NMD3: variants seen among roughly 807,000 people sequenced by gnomAD.
The protein encoded by NMD3 is NMD3 ribosome export adaptor.
In NMD3, 47 loss-of-function variants were observed where a neutral mutation model predicts 73.1. The observed-to-expected ratio is 0.64, with a 90% CI of 0.51 to 0.82. The LOEUF is 0.82. NMD3 is among the 40% of genes least tolerant of loss of function. NMD3 has a pLI of 0.00. For synonymous variants in NMD3, 210 were observed against 194.5 expected (o/e 1.08, Z -0.66); for missense variants, 554 against 612.5 (o/e 0.90, Z 1.01).
intron 7 of NMD3, among the ~76,000 whole-genome samples, chr3:161,235,811 A>G (rs1407434975): frequency 1.3e-5 from 2 of 152,100 alleles, no homozygotes; most frequent in East Asian, 1.9e-4. Flanking sequence ...GATTCTTGGT[A>G]TAAAATTGAA....
chr3:161,246,261 G>C, intron 11 of NMD3, 75 bp from the exon 12 acceptor site: 1 of 555,740 alleles, frequency 1.8e-6, no homozygotes. Context: ...AATCAATATT[G>C]TATTTAACTT....
intron 10 of NMD3, among the ~76,000 whole-genome samples, chr3:161,242,179 CAG>C (rs1737008593): frequency 6.6e-6 from 1 of 152,008 alleles, no homozygotes. Flanking sequence ...GCTAAGGTGA[CAG>C]ATACGTTTCT....
At chr3:161,252,319 G>A (rs1237685904), downstream of NMD3, 1 of 152,108 alleles carries the variant, frequency 6.6e-6, no homozygotes, top group African/African-American at 2.4e-5. Flanking sequence ...GGTCGCATTG[G>A]TGTCATATTT....
At chr3:161,232,409 A>C (rs1043280297) in intron 4 of NMD3, among the ~76,000 whole-genome samples, 2 of 152,090 alleles carry the variant, frequency 1.3e-5, no homozygotes, top group Non-Finnish European at 2.9e-5. Flanking sequence ...TTTTTTATAG[A>C]TCTCCAGACC....
intron 12 of NMD3, among the ~76,000 whole-genome samples, chr3:161,246,940 T>TTG (rs1553793857): frequency 9.9e-5 from 15 of 152,074 alleles, no homozygotes; most frequent in Admixed American, 5.2e-4. Context: ...GGTGTTTTTT[T>TTG]TTTGTTTGTT....
In NMD3 at chr3:161,252,086, A is replaced by G. The variant is rs1737509727; in HGVS notation, c.*1176A>G. 1 of 152,104 alleles carries G rather than the reference A, an allele frequency of 6.6e-6. No individual in the cohort carries two copies. The highest frequency in any genetic ancestry group is 1.5e-5 in the Non-Finnish European group (1 of 68,014). The allele number at this position is 152,104 out of a possible 1,614,324, so 9.4% of individuals were successfully genotyped here. On this transcript the variant is annotated 3_prime_UTR_variant, in exon 16 of 16. Transcript: ENST00000351193. ...TTATGGATAAAGTCCTAAATTTTCT[A>G]TAGTGGCTTCTTTTCTGTCTGCATA...
intron 8 of NMD3, 113 bp from the exon 9 acceptor site, chr3:161,238,617 G>C (rs1259523845): frequency 1.6e-6 from 1 of 643,122 alleles, no homozygotes; most frequent in Non-Finnish European, 2.8e-6. Flanking sequence ...GCATCATGAA[G>C]CCATTTTAGA....
At chr3:161,240,534 T>TTTTTTTTTG (rs1351408038) in intron 9 of NMD3, among the ~76,000 whole-genome samples, 5 of 145,042 alleles carry the variant, frequency 3.4e-5, no homozygotes, top group African/African-American at 1.3e-4. Flanking sequence ...GGATTTTTTT[T>TTTTTTTTTG]TTTTTTTTGA....
chr3:161,227,260 C>T lies in NMD3; in HGVS notation c.193C>T (p.Pro65Ser), dbSNP rs888975292. 3 of 1,592,026 alleles carry T rather than the reference C, an allele frequency of 1.9e-6. No individual in the cohort carries two copies. The highest frequency in any genetic ancestry group is 2.6e-6 in the Non-Finnish European group (3 of 1,167,560). ...CTTCTCTTTTAGGTATTTTCAACCA[C>T]CAGGAACTTGGATACAGTGTGCTTT... is the stretch of plus-strand genomic sequence containing the variant. ...CKQCQRYFQP[P>S]GTWIQCALES... The change falls in exon 4 of 16, where the codon CCA becomes TCA. Residue 65 changes from proline to serine, a missense_variant. Transcript: ENST00000351193.
At chr3:161,228,297 C>T (rs945762958) in intron 4 of NMD3, among the ~76,000 whole-genome samples, 8 of 152,160 alleles carry the variant, frequency 5.3e-5, no homozygotes, top group African/African-American at 1.9e-4. Context: ...CCCAGCCAAC[C>T]CCACAAATTT....
chr3:161,240,767 C>G (rs1400436183), intron 9 of NMD3, among the ~76,000 whole-genome samples: 1 of 151,608 alleles, frequency 6.6e-6, no homozygotes, highest in Non-Finnish European at 1.5e-5. Flanking sequence ...CTCCTGGGCT[C>G]AAGGGATTCT....
rs767943491 is a variant in NMD3, at chr3:161,247,304, A to G, written c.1177A>G (p.Met393Val). 2.5e-6 allele frequency: 4 copies of G among 1,611,210 alleles called. No homozygotes were observed. The highest frequency in any genetic ancestry group is 3.4e-6 in the Non-Finnish European group (4 of 1,177,632). Residue 393 changes from methionine (M) to valine (V), a missense_variant, in exon 13 of 16, where the codon ATG becomes GTG. Physicochemically the swap from Met to Val is conservative, Grantham distance 21. Transcript: ENST00000351193. ...CTTAAATGATGAGCATGTCAACAAA[A>G]TGAACTCAGATAGAGTTCCAGATGT... ...CNLNDEHVNK[M>V]NSDRVPDVVL...
chr3:161,249,667 A>G, intron 14 of NMD3, 107 bp downstream of exon 14: 1 of 739,138 alleles, frequency 1.4e-6, no homozygotes. Context: ...CCTTGCACTC[A>G]ATTATAATCT....
At chr3:161,241,907 A>G (rs141559462) in intron 10 of NMD3, among the ~76,000 whole-genome samples, 2,449 of 152,176 alleles carry the variant, frequency 0.016, 65 homozygotes, top group African/African-American at 0.056. Flanking sequence ...AACATTGTCT[A>G]TAGAATAAAT....
Position 161,222,277 on chromosome 3 carries a change from A to T in NMD3, c.44+220A>T, listed in dbSNP as rs570779173. On this transcript the variant is annotated intron_variant, in intron 2 of 15. Coordinates refer to ENST00000351193, the MANE Select transcript of NMD3 (RefSeq NM_015938.5). ...CTAAGAGGGTTAAAATATTTACCAT[A>T]CATCCTTTTAGATCGGCACTGTCCA... Among the ~76,000 whole-genome samples, 13 of 152,242 alleles carry T rather than the reference A, an allele frequency of 8.5e-5. No homozygotes were observed. The East Asian group carries it at 2.5e-3, about 29-fold the overall frequency.
In NMD3 at chr3:161,246,160, C is replaced by T. The variant is rs539259544; in HGVS notation, c.1018-176C>T. 1.6e-4 allele frequency among the ~76,000 whole-genome samples: 24 copies of T among 152,170 alleles called. 1 individual carries two copies. The East Asian group carries it at 4.6e-3, about 29-fold the overall frequency. ...TGAATTGTTTGTGAGTCTTTCTATACTCATGATTCAGTAATTTGTTAATTT... is the reference window on the plus strand; with the variant it reads ...TGAATTGTTTGTGAGTCTTTCTATATTCATGATTCAGTAATTTGTTAATTT... On this transcript the variant is annotated intron_variant, in intron 11 of 15. Coordinates refer to ENST00000351193, the MANE Select transcript of NMD3 (RefSeq NM_015938.5).
intron 3 of NMD3, among the ~76,000 whole-genome samples, chr3:161,225,951 G>A (rs931709307): frequency 6.6e-6 from 1 of 152,084 alleles, no homozygotes; most frequent in African/African-American, 2.4e-5. Flanking sequence ...TAGCAAGTGT[G>A]AGGCTTAATC....
At chr3:161,221,645 G>A (rs1202529152) in intron 1 of NMD3, 3 of 169,332 alleles carry the variant, frequency 1.8e-5, no homozygotes. Context: ...GCGGTCCCTG[G>A]GCTGGTGGAG....
In NMD3 at chr3:161,250,476, A is replaced by G. The variant is rs569360096; in HGVS notation, c.1381+150A>G. The G allele has an allele frequency of 1.9e-3, 1,126 of 587,270 alleles. 3 individuals carry two copies. Among genetic ancestry groups the G allele is most frequent in the Non-Finnish European group, 2.9e-3 (975 of 336,744 alleles). 36.4% of individuals were successfully genotyped at this position (587,270 alleles called of 1,614,324 possible). On this transcript the variant is annotated intron_variant, in intron 15 of 15. Transcript: ENST00000351193. ...GTCACACTTCTACAAAAAAACTTGC[A>G]AAACAATAAATAAAACTTAACAAAA...
Sources: gnomAD v4.1 joint callset for allele counts (sites outside exome capture counted in the v4.1 genomes callset) on GRCh38, gnomAD v4.1.1 for gene constraint, MANE v1.5 for transcripts, NCBI Gene and HGNC (gene_info 2026-07-23, HGNC 2026-07-21) for gene names.